The following TENM4 variants were observed in gnomAD, a reference collection of about 807,000 sequenced individuals.
TENM4 encodes teneurin transmembrane protein 4.
Under a neutral mutation model 243.3 loss-of-function variants are expected in TENM4, and 82 were observed. The observed-to-expected ratio is 0.34, with a 90% CI of 0.28 to 0.40. The LOEUF is 0.40. Among genes scored for constraint, TENM4 ranks in the 10% least tolerant of loss-of-function variants. The probability of loss-of-function intolerance (pLI) is 1.00; values close to 1 mark genes in which losing one functional copy is unlikely to be tolerated. For synonymous variants in TENM4, 1,412 were observed against 1,456.3 expected (o/e 0.97, Z 0.69); for missense variants, 3,138 against 3,673.3 (o/e 0.85, Z 3.77).
intron 7 of TENM4, among the ~76,000 whole-genome samples, chr11:78,900,158 A>T (rs1471492329): frequency 6.6e-6 from 1 of 152,230 alleles, no homozygotes; most frequent in East Asian, 1.9e-4. Context: ...TCACACTGTG[A>T]AGTGTAATCA....
intron 3 of TENM4, among the ~76,000 whole-genome samples, chr11:79,202,188 C>T (rs1011497922): frequency 1.4e-4 from 21 of 152,244 alleles, no homozygotes; most frequent in Middle Eastern, 3.4e-3. Context: ...AACAGGACCT[C>T]GTCCCATAAA....
chr11:79,299,724 A>C (rs1433622426), intron 1 of TENM4, among the ~76,000 whole-genome samples: 3 of 152,260 alleles, frequency 2.0e-5, no homozygotes, highest in Admixed American at 2.0e-4. Flanking sequence ...AAATGAGTAT[A>C]AAATCCCAAC....
chr11:79,065,504 C>T (rs1198120576), intron 5 of TENM4, among the ~76,000 whole-genome samples: 3 of 152,222 alleles, frequency 2.0e-5, no homozygotes, highest in African/African-American at 7.2e-5. Flanking sequence ...GGCTTCAGGT[C>T]TCCTTTTCCA....
intron 4 of TENM4, among the ~76,000 whole-genome samples, chr11:79,143,457 A>T (rs1436570809): frequency 6.6e-6 from 1 of 152,078 alleles, no homozygotes; most frequent in African/African-American, 2.4e-5. Flanking sequence ...GTTCTCACTC[A>T]TAGGTCGGAA....
intron 6 of TENM4, among the ~76,000 whole-genome samples, chr11:79,051,753 C>A (rs1319537685): frequency 1.3e-5 from 2 of 152,170 alleles, no homozygotes; most frequent in African/African-American, 4.8e-5. Flanking sequence ...AGCTATTCTT[C>A]CTGATGCTCT....
chr11:79,041,732 T>C (rs530746528), intron 6 of TENM4, among the ~76,000 whole-genome samples: 1 of 152,344 alleles, frequency 6.6e-6, no homozygotes, highest in South Asian at 2.1e-4. Flanking sequence ...AAATATTTAA[T>C]TTGGTGAGTT....
At chr11:79,116,903 C>A (rs1039185625) in intron 4 of TENM4, among the ~76,000 whole-genome samples, 13 of 152,154 alleles carry the variant, frequency 8.5e-5, no homozygotes, top group Non-Finnish European at 8.8e-5. Context: ...GTATAACATG[C>A]TTAGCATGGA....
At chr11:78,784,256 C>G (rs1465825033) in intron 16 of TENM4, among the ~76,000 whole-genome samples, 2 of 152,118 alleles carry the variant, frequency 1.3e-5, no homozygotes, top group Non-Finnish European at 2.9e-5. Context: ...TCTCTGGAAA[C>G]AAGGAAATGC....
At chr11:78,887,460 C>A (rs1855572531) in intron 9 of TENM4, among the ~76,000 whole-genome samples, 2 of 152,214 alleles carry the variant, frequency 1.3e-5, no homozygotes. Context: ...GCTACGAATA[C>A]CTCAAGGGTA....
intron 19 of TENM4, among the ~76,000 whole-genome samples, chr11:78,750,410 T>C (rs1287517418): frequency 7.2e-5 from 11 of 152,242 alleles, no homozygotes; most frequent in Non-Finnish European, 1.6e-4. Flanking sequence ...TGGCCAAGTC[T>C]CCCGACTGAA....
At position 78,849,455 on chromosome 11, in the gene TENM4, G is replaced by C. The variant is rs556871138; in HGVS notation, c.1681+4649C>G. Among the ~76,000 whole-genome samples the C allele has an allele frequency of 3.2e-4, 49 of 152,286 alleles. No individual in the cohort carries two copies. In the South Asian group the frequency reaches 9.9e-3, roughly 31 times the overall value. ...TGGGCTAGTCAACCAAGCTTTCTGA[G>C]CCTTGATTTCTTCATCTGTAAAGTT... On this transcript the variant is annotated intron_variant, in intron 12 of 33. Transcript: ENST00000278550.
intron 4 of TENM4, among the ~76,000 whole-genome samples, chr11:79,143,026 A>G (rs1862319900): frequency 6.6e-6 from 1 of 152,136 alleles, no homozygotes; most frequent in Non-Finnish European, 1.5e-5. Context: ...TCAGGAAACA[A>G]CATGTGCTGG....
intron 1 of TENM4, among the ~76,000 whole-genome samples, chr11:79,394,863 C>A (rs935918900): frequency 1.3e-5 from 2 of 152,002 alleles, no homozygotes; most frequent in African/African-American, 4.8e-5. Flanking sequence ...CATGTGAGGG[C>A]GGAGGCAGAG....
intron 6 of TENM4, among the ~76,000 whole-genome samples, chr11:78,930,178 C>T (rs546760855): frequency 6.6e-6 from 1 of 152,186 alleles, no homozygotes; most frequent in Non-Finnish European, 1.5e-5. Flanking sequence ...TCATTTTCCA[C>T]ATCAGTACAA....
chr11:78,683,609 T>G (rs1174360977), intron 29 of TENM4, among the ~76,000 whole-genome samples: 5 of 140,000 alleles, frequency 3.6e-5, no homozygotes, highest in African/African-American at 1.4e-4. Flanking sequence ...GCTTCCCAGG[T>G]GAGGCAATGC....
chr11:78,998,813 G>T (rs927960863), intron 6 of TENM4, among the ~76,000 whole-genome samples: 2 of 152,160 alleles, frequency 1.3e-5, no homozygotes, highest in African/African-American at 4.8e-5. Flanking sequence ...GGTCATAGTG[G>T]GGCAAGCATA....
At chr11:79,214,159 TA>T in intron 3 of TENM4, among the ~76,000 whole-genome samples, 1 of 152,080 alleles carries the variant, frequency 6.6e-6, no homozygotes, top group Non-Finnish European at 1.5e-5. Context: ...GCCTGGCTAA[TA>T]TTTTTTTTAC....
intron 3 of TENM4, among the ~76,000 whole-genome samples, chr11:79,176,331 C>T (rs994919003): frequency 6.6e-6 from 1 of 152,160 alleles, no homozygotes; most frequent in Admixed American, 6.5e-5. Context: ...TCCAGTTCTG[C>T]TCAATGGCCA....
intron 1 of TENM4, among the ~76,000 whole-genome samples, chr11:79,409,110 G>GCA (rs1565334673): frequency 2.4e-4 from 34 of 144,622 alleles, no homozygotes; most frequent in African/African-American, 9.1e-4. Context: ...GTGCGCGCGC[G>GCA]CGCGTGCGTG....
Sources: gnomAD v4.1 joint callset for allele counts (sites outside exome capture counted in the v4.1 genomes callset) on GRCh38, gnomAD v4.1.1 for gene constraint, MANE v1.5 for transcripts, NCBI Gene and HGNC (gene_info 2026-07-23, HGNC 2026-07-21) for gene names.